The following NKAIN2 variants were observed in gnomAD, a reference collection of about 807,000 sequenced individuals.
The protein encoded by NKAIN2 is sodium/potassium-transporting ATPase subunit beta-1-interacting protein 2.
In NKAIN2, 14 loss-of-function variants were observed where a neutral mutation model predicts 32.6. The ratio of observed to expected loss-of-function variants is 0.43; its 90% CI spans 0.28 to 0.67. The LOEUF is 0.67. Among genes scored for constraint, NKAIN2 ranks in the 30% least tolerant of loss-of-function variants. The probability of loss-of-function intolerance (pLI) is 0.17; values close to 1 mark genes in which losing one functional copy is unlikely to be tolerated. For synonymous variants in NKAIN2, 80 were observed against 87.2 expected, an observed-to-expected ratio of 0.92 and a Z score of 0.46; for missense variants, 198 against 258.3, an observed-to-expected ratio of 0.77 and a Z score of 1.60.
chr6:123,853,810 T>C (rs1562220630), intron 1 of NKAIN2, among the ~76,000 whole-genome samples: 1 of 151,976 alleles, frequency 6.6e-6, no homozygotes, highest in Admixed American at 6.6e-5. Context: ...TTCACTCTTG[T>C]TGCCCAAGCT....
intron 1 of NKAIN2, among the ~76,000 whole-genome samples, chr6:123,854,308 A>G (rs950887585): frequency 2.0e-5 from 3 of 152,174 alleles, no homozygotes; most frequent in African/African-American, 4.8e-5. Flanking sequence ...CAATCAAAAG[A>G]CATTTTAATT....
At chr6:124,315,377 A>G (rs1291416152) in intron 2 of NKAIN2, among the ~76,000 whole-genome samples, 1 of 152,190 alleles carries the variant, frequency 6.6e-6, no homozygotes, top group Non-Finnish European at 1.5e-5. Flanking sequence ...AAATAGTTAC[A>G]ATGTCAGAGA....
At chr6:124,125,476 G>C (rs1322236020) in intron 1 of NKAIN2, among the ~76,000 whole-genome samples, 1 of 152,086 alleles carries the variant, frequency 6.6e-6, no homozygotes. Flanking sequence ...TGACTAATGG[G>C]ATGGTAGGGA....
chr6:124,342,818 TTA>T (rs1798197392), intron 2 of NKAIN2, among the ~76,000 whole-genome samples: 4 of 10,522 alleles, frequency 3.8e-4, no homozygotes, highest in Admixed American at 3.1e-3. Context: ...AGATGTTTTA[TTA>T]TTATTATTAT....
At chr6:124,773,347 G>A (rs1487395091) in intron 4 of NKAIN2, among the ~76,000 whole-genome samples, 4 of 152,076 alleles carry the variant, frequency 2.6e-5, no homozygotes, top group Admixed American at 2.6e-4. Flanking sequence ...GGGGGTCACT[G>A]GAAGCCTTTT....
intron 2 of NKAIN2, among the ~76,000 whole-genome samples, chr6:124,343,336 G>A (rs559263569): frequency 6.6e-6 from 1 of 151,420 alleles, no homozygotes; most frequent in African/African-American, 2.4e-5. Context: ...AGTCCTTTGG[G>A]TATATACCCA....
intron 5 of NKAIN2, chr6:124,804,595 T>C (rs533338038): frequency 2.4e-4 from 39 of 160,236 alleles, no homozygotes; most frequent in Non-Finnish European, 4.5e-4. Flanking sequence ...TGCATTTCCA[T>C]CTGAGGTACC....
rs115479429 is a variant in NKAIN2 at position 124,741,150 on chromosome 6, T to C, written c.475-50189T>C. On this transcript the variant is annotated intron_variant, in intron 4 of 6. Transcript: ENST00000368417. ...ATGGGGACAACGTGAAGGAGTGTAG[T>C]TAGAGGAGGAAAATCAGTGATTCTG... is the stretch of plus-strand genomic sequence containing the variant. Among the ~76,000 whole-genome samples, 572 of 151,294 alleles carry C rather than the reference T, an allele frequency of 3.8e-3. 2 individuals carry two copies. The highest frequency in any genetic ancestry group is 0.013 in the African/African-American group (547 of 41,290).
intron 1 of NKAIN2, among the ~76,000 whole-genome samples, chr6:124,100,603 G>A (rs11154205): frequency 6.6e-6 from 1 of 152,070 alleles, no homozygotes. Context: ...TAATGTAAGA[G>A]GTTTTCTATC....
intron 1 of NKAIN2, among the ~76,000 whole-genome samples, chr6:123,911,791 A>ATATG (rs1554222347): frequency 5.6e-4 from 62 of 110,296 alleles, no homozygotes; most frequent in African/African-American, 2.6e-3. Context: ...ACATATATAT[A>ATATG]TATATATATG....
intron 4 of NKAIN2, among the ~76,000 whole-genome samples, chr6:124,700,337 ATTAC>A (rs1774712989): frequency 6.6e-6 from 1 of 152,170 alleles, no homozygotes; most frequent in Non-Finnish European, 1.5e-5. Context: ...ATTGATTAGT[ATTAC>A]TTCTGTTCGC....
chr6:124,603,875 G>T (rs1442640130), intron 3 of NKAIN2, among the ~76,000 whole-genome samples: 1 of 151,944 alleles, frequency 6.6e-6, no homozygotes, highest in South Asian at 2.1e-4. Flanking sequence ...ATCCAAGATA[G>T]TTCTCAGCAA....
intron 4 of NKAIN2, among the ~76,000 whole-genome samples, chr6:124,725,743 C>T (rs1036545497): frequency 6.6e-6 from 1 of 152,118 alleles, no homozygotes; most frequent in African/African-American, 2.4e-5. Flanking sequence ...GTCTACAGCT[C>T]CCAGTGTGAG....
At chr6:124,142,022 G>A (rs1038210959) in intron 1 of NKAIN2, among the ~76,000 whole-genome samples, 3 of 152,164 alleles carry the variant, frequency 2.0e-5, no homozygotes, top group African/African-American at 7.2e-5. Context: ...CATGTTAGTT[G>A]CAAGTTATCT....
chr6:124,257,134 C>G (rs1299645048), intron 1 of NKAIN2, among the ~76,000 whole-genome samples: 3 of 151,692 alleles, frequency 2.0e-5, no homozygotes, highest in African/African-American at 7.3e-5. Context: ...AAAAACCATT[C>G]CATTGTCAAA....
At chr6:124,085,651 T>C (rs1320432644) in intron 1 of NKAIN2, among the ~76,000 whole-genome samples, 1 of 151,948 alleles carries the variant, frequency 6.6e-6, no homozygotes, top group Non-Finnish European at 1.5e-5. Flanking sequence ...TGCAGAAATA[T>C]GTACCAAGGG....
intron 3 of NKAIN2, among the ~76,000 whole-genome samples, chr6:124,490,030 G>T (rs1777799379): frequency 6.6e-6 from 1 of 151,802 alleles, no homozygotes; most frequent in Non-Finnish European, 1.5e-5. Flanking sequence ...TGAATGTTTG[G>T]TATGGAATTG....
At chr6:124,642,434 C>G (rs1002123348) in intron 3 of NKAIN2, among the ~76,000 whole-genome samples, 1 of 152,064 alleles carries the variant, frequency 6.6e-6, no homozygotes, top group Non-Finnish European at 1.5e-5. Context: ...ATAAATTCAC[C>G]AGCAGAAAAC....
intron 2 of NKAIN2, among the ~76,000 whole-genome samples, chr6:124,293,749 G>T (rs1422118128): frequency 6.6e-6 from 1 of 151,916 alleles, no homozygotes; most frequent in Non-Finnish European, 1.5e-5. Context: ...TACTGGGTTG[G>T]TCTTTTTTCT....
Sources: gnomAD v4.1 joint callset for allele counts (sites outside exome capture counted in the v4.1 genomes callset) on GRCh38, gnomAD v4.1.1 for gene constraint, MANE v1.5 for transcripts, NCBI Gene and HGNC (gene_info 2026-07-23, HGNC 2026-07-21) for gene names.